SFMBT1: variants seen among roughly 807,000 people sequenced by gnomAD.
SFMBT1 encodes the protein scm-like with four MBT domains protein 1.
SFMBT1 carries 32 observed loss-of-function variants against 108.7 expected under a neutral mutation model. That is an observed-to-expected ratio of 0.29 (90% CI 0.22 to 0.40). The LOEUF (loss-of-function observed/expected upper bound fraction) is 0.40. SFMBT1 is among the 10% of genes least tolerant of loss of function. The pLI is 1.00. For synonymous variants in SFMBT1, 348 were observed against 369.5 expected (o/e 0.94, Z 0.67); for missense variants, 816 against 1,059.6 (o/e 0.77, Z 3.19).
chr3:53,033,844 C>T (rs1699770339), intron 1 of SFMBT1, among the ~76,000 whole-genome samples: 1 of 150,960 alleles, frequency 6.6e-6, no homozygotes, highest in African/African-American at 2.4e-5. Context: ...CCAAGGCAGG[C>T]GGGTCACCTG....
intron 2 of SFMBT1, among the ~76,000 whole-genome samples, chr3:52,965,779 G>C (rs1307638981): frequency 6.6e-6 from 1 of 152,014 alleles, no homozygotes; most frequent in Non-Finnish European, 1.5e-5. Context: ...GGCCGAGGCG[G>C]GCAGATCACA....
At chr3:52,989,774 C>G (rs1705057171) in intron 1 of SFMBT1, among the ~76,000 whole-genome samples, 1 of 147,848 alleles carries the variant, frequency 6.8e-6, no homozygotes, top group Non-Finnish European at 1.5e-5. Flanking sequence ...AGCCTAGTGA[C>G]AGAGCTAGAC....
At chr3:52,944,979 T>A (rs1292717014) in intron 3 of SFMBT1, among the ~76,000 whole-genome samples, 4 of 151,446 alleles carry the variant, frequency 2.6e-5, no homozygotes, top group Non-Finnish European at 5.9e-5. Flanking sequence ...AATTTTTGTA[T>A]TTTCTGTAGA....
intron 1 of SFMBT1, among the ~76,000 whole-genome samples, chr3:52,984,444 A>G (rs1704832420): frequency 6.6e-6 from 1 of 150,916 alleles, no homozygotes; most frequent in African/African-American, 2.4e-5. Flanking sequence ...CTTCAATCCC[A>G]TCTTACATTT....
chr3:53,001,920 G>GTCTCTCTC (rs780876209), intron 1 of SFMBT1, among the ~76,000 whole-genome samples: 1 of 61,734 alleles, frequency 1.6e-5, no homozygotes, highest in African/African-American at 5.0e-5. Flanking sequence ...GCAAGACCCA[G>GTCTCTCTC]TCTCTCACAC....
chr3:52,904,857 C>G lies in SFMBT1; in HGVS notation c.*279G>C, dbSNP rs1474924551. 1 of 300,670 alleles carries G rather than the reference C, an allele frequency of 3.3e-6. No homozygotes were observed. The highest frequency in any genetic ancestry group is 2.2e-5 in the African/African-American group (1 of 46,102). 18.6% of individuals were successfully genotyped at this position (300,670 alleles called of 1,614,324 possible). ...TTTTCAGGCCACACCACTGGAAATGCTTTTCTTCTTATATAAGTCTTTTCC... is the reference window on the plus strand; with the variant it reads ...TTTTCAGGCCACACCACTGGAAATGGTTTTCTTCTTATATAAGTCTTTTCC... On this transcript the variant is annotated 3_prime_UTR_variant, in exon 21 of 21. Transcript: ENST00000394752.
chr3:52,969,381 AGGACTGGAGG>A, intron 1 of SFMBT1, 123 bp from the exon 2 acceptor site: 1 of 937,114 alleles, frequency 1.1e-6, no homozygotes, highest in Non-Finnish European at 1.5e-6. Flanking sequence ...CAGAATAGAT[AGGACTGGAGG>A]AAAAAATTGA....
At chr3:53,001,739 A>T (rs1698553902) in intron 1 of SFMBT1, among the ~76,000 whole-genome samples, 2 of 147,396 alleles carry the variant, frequency 1.4e-5, no homozygotes, top group Non-Finnish European at 3.0e-5. Context: ...GAAATGGGAG[A>T]TCCTATCTCT....
At chr3:52,983,298 C>T (rs1176873245) in intron 1 of SFMBT1, among the ~76,000 whole-genome samples, 1 of 152,112 alleles carries the variant, frequency 6.6e-6, no homozygotes, top group African/African-American at 2.4e-5. Context: ...TTCTTTGTAA[C>T]ATTTTTTCTC....
chr3:53,041,698 CAAAAAAAAAAAAAAAAAAAA>C (rs59502728), intron 1 of SFMBT1, among the ~76,000 whole-genome samples: 10 of 44,122 alleles, frequency 2.3e-4, no homozygotes, highest in Admixed American at 3.4e-4. Flanking sequence ...AAGTCTGTCT[CAAAAAAAAAAAAAAAAAAAA>C]AAAAAAAAAA....
chr3:53,025,140 A>C (rs1699444899), intron 1 of SFMBT1, among the ~76,000 whole-genome samples: 1 of 152,140 alleles, frequency 6.6e-6, no homozygotes, highest in African/African-American at 2.4e-5. Flanking sequence ...AAAAAACATG[A>C]CCTTCTTAAC....
intron 19 of SFMBT1, among the ~76,000 whole-genome samples, chr3:52,906,753 G>A (rs553148620): frequency 6.6e-6 from 1 of 152,258 alleles, no homozygotes; most frequent in Non-Finnish European, 1.5e-5. Context: ...TATATATTAT[G>A]AAACATATTA....
chr3:52,943,674 AC>A (rs974643012), intron 3 of SFMBT1, 81 bp from the exon 4 acceptor site: 2 of 1,567,640 alleles, frequency 1.3e-6, no homozygotes, highest in African/African-American at 1.4e-5. Context: ...TTTAAGACTT[AC>A]AATTCCGAAG....
intron 1 of SFMBT1, among the ~76,000 whole-genome samples, chr3:52,977,860 G>A (rs1011841809): frequency 1.2e-4 from 18 of 152,116 alleles, no homozygotes; most frequent in African/African-American, 4.3e-4. Context: ...ACAGTATTGG[G>A]TAAACTTTTT....
intron 3 of SFMBT1, among the ~76,000 whole-genome samples, chr3:52,948,951 C>A (rs1362782091): frequency 2.0e-5 from 3 of 147,280 alleles, no homozygotes; most frequent in Non-Finnish European, 4.5e-5. Flanking sequence ...GTGTGAGCCA[C>A]TGCACCCAGC....
At chr3:52,907,385 A>G in intron 18 of SFMBT1, 71 bp from the exon 19 acceptor site, 1 of 1,536,638 alleles carries the variant, frequency 6.5e-7, no homozygotes, top group Non-Finnish European at 8.7e-7. Flanking sequence ...ATTAAAAAAA[A>G]ATAATAAAGA....
intron 16 of SFMBT1, 33 bp from the exon 17 acceptor site, chr3:52,911,211 T>TTGGCATCTC (rs764446943): frequency 1.3e-6 from 2 of 1,562,212 alleles, no homozygotes. Context: ...GCCAAATATA[T>TTGGCATCTC]TGGGCTAATG....
intron 4 of SFMBT1, among the ~76,000 whole-genome samples, chr3:52,938,639 G>T (rs1575387580): frequency 2.0e-5 from 3 of 148,536 alleles, no homozygotes; most frequent in Non-Finnish European, 3.0e-5. Context: ...CAATAAAGCT[G>T]TTTTTTTTTT....
In SFMBT1 at chr3:52,928,053, C is replaced by T. The variant is rs1018305343; in HGVS notation, c.1048+138G>A. On this transcript the variant is annotated intron_variant, in intron 9 of 20. Transcript: ENST00000394752. The stretch of plus-strand genomic sequence containing the variant: ...CATGGAATCTAGACCTTTCCTTATA[C>T]TTTTCTCAGACCCCAAAAACGTTAG... 3.7e-6 allele frequency: 4 copies of T among 1,087,724 alleles called. No individual in the cohort carries two copies. In the East Asian group the frequency reaches 7.5e-5, roughly 20 times the overall value. The allele number at this position is 1,087,724 out of a possible 1,614,324, so 67.4% of individuals were successfully genotyped here.
Sources: allele counts gnomAD v4.1 joint callset (sites outside exome capture counted in the v4.1 genomes callset), GRCh38; gene constraint gnomAD v4.1.1; transcripts MANE v1.5; gene names NCBI Gene and HGNC (gene_info 2026-07-23, HGNC 2026-07-21).